Variants in KCNK6 observed in about 807,000 individuals in gnomAD.
KCNK6 encodes the protein potassium two pore domain channel subfamily K member 6.
KCNK6 carries 20 observed loss-of-function variants against 21.9 expected under a neutral mutation model. The ratio of observed to expected loss-of-function variants is 0.91; its 90% CI spans 0.64 to 1.32. The LOEUF is 1.32. KCNK6 is among the 40% of genes most tolerant of loss of function. The pLI, the probability that KCNK6 is intolerant of heterozygous loss-of-function variation, is 0.00. For synonymous variants in KCNK6, 210 were observed against 218.0 expected, an observed-to-expected ratio of 0.96 and a Z score of 0.32; for missense variants, 415 against 433.1, an observed-to-expected ratio of 0.96 and a Z score of 0.37.
Position 38,319,896 on chromosome 19 carries a change from G to A in KCNK6, c.-55G>A. 1 of 1,360,774 alleles carries A rather than the reference G, an allele frequency of 7.3e-7. No homozygotes were observed. Among genetic ancestry groups the A allele is most frequent in the Non-Finnish European group, 9.4e-7 (1 of 1,063,724 alleles). The allele number at this position is 1,360,774 out of a possible 1,614,324, so 84.3% of individuals were successfully genotyped here. On this transcript the variant is annotated 5_prime_UTR_variant, in exon 1 of 3. Coordinates refer to ENST00000263372, the MANE Select transcript of KCNK6 (RefSeq NM_004823.3). The stretch of plus-strand genomic sequence containing the variant: ...GGAACTAGGTGCCAGACGGTCCGGA[G>A]GCGGGGGCCACGTCAGCGGGGCCAC...
rs1201863639 is a variant in KCNK6, at chr19:38,329,389, C to G, written c.*1986C>G. On this transcript the variant is annotated 3_prime_UTR_variant, in exon 3 of 3. Coordinates refer to ENST00000263372, the MANE Select transcript of KCNK6 (RefSeq NM_004823.3). ...CCAACATAGCAAGACCCCATCTCTA[C>G]AAAAATAAAAATTTTAAAAAGGGCT... 1 of 151,770 alleles carries G rather than the reference C, an allele frequency of 6.6e-6. No homozygotes were observed. Among genetic ancestry groups the G allele is most frequent in the Non-Finnish European group, 1.5e-5 (1 of 67,990 alleles). The allele number at this position is 151,770 out of a possible 1,614,324, so 9.4% of individuals were successfully genotyped here.
In KCNK6 at chr19:38,329,017, AAAAG is replaced by A. The variant is rs1969745824; in HGVS notation, c.*1623_*1626del. Reference sequence around the variant, plus strand: ...AAGAAAAGTAAGAAAGAAAAAAAGAAAAAGAAAGAAAGTAAGTCCTGGCTAACAC... The same window carrying A: ...AAGAAAAGTAAGAAAGAAAAAAAGAAAAAGAAAGTAAGTCCTGGCTAACAC... On this transcript the variant is annotated 3_prime_UTR_variant, in exon 3 of 3. Coordinates refer to ENST00000263372, the MANE Select transcript of KCNK6 (RefSeq NM_004823.3). 7.1e-6 allele frequency: 1 copy of A among 140,266 alleles called. No homozygotes were observed. Among genetic ancestry groups the A allele is most frequent in the African/African-American group, 2.6e-5 (1 of 39,086 alleles). The allele number at this position is 140,266 out of a possible 1,614,324, so 8.7% of individuals were successfully genotyped here. A position where few individuals can be genotyped will look rare whatever the true frequency, so the allele number is the denominator to read the frequency against.
At chr19:38,322,634 T>C (rs1969663678) in intron 1 of KCNK6, among the ~76,000 whole-genome samples, 1 of 151,898 alleles carries the variant, frequency 6.6e-6, no homozygotes, top group Admixed American at 6.6e-5. Context: ...CTGACCAACA[T>C]GGTGAAACCC....
Position 38,328,883 on chromosome 19 carries a change from A to C in KCNK6, c.*1480A>C, listed in dbSNP as rs1229107370. On this transcript the variant is annotated 3_prime_UTR_variant, in exon 3 of 3. Transcript: ENST00000263372. ...GAAAGAAAGAAAGAAAGAGAGAGAA[A>C]GAAAGAAAGAAAGAAAGGGAAAGAT... The C allele has an allele frequency of 6.7e-6, 1 of 149,538 alleles. No homozygotes were observed. The highest frequency in any genetic ancestry group is 1.5e-5 in the Non-Finnish European group (1 of 67,776). 9.3% of individuals were successfully genotyped at this position (149,538 alleles called of 1,614,324 possible). A position where few individuals can be genotyped will look rare whatever the true frequency, so the allele number is the denominator to read the frequency against.
At position 38,327,761 on chromosome 19, in the gene KCNK6, C is replaced by T. The variant is rs1194891853; in HGVS notation, c.*358C>T. 1.0e-5 allele frequency: 3 copies of T among 287,084 alleles called. No individual in the cohort carries two copies. The highest frequency in any genetic ancestry group is 2.2e-5 in the African/African-American group (1 of 45,636). 17.8% of individuals were successfully genotyped at this position (287,084 alleles called of 1,614,324 possible). A position where few individuals can be genotyped will look rare whatever the true frequency, so the allele number is the denominator to read the frequency against. Reference sequence around the variant, plus strand: ...CGTCTGTGTCTCTCAATTAACCACTCGTCAACTGCTGATTCTACTGGGCTG... The same window carrying T: ...CGTCTGTGTCTCTCAATTAACCACTTGTCAACTGCTGATTCTACTGGGCTG... On this transcript the variant is annotated 3_prime_UTR_variant, in exon 3 of 3. Transcript: ENST00000263372.
At position 38,320,091 on chromosome 19, in the gene KCNK6, G is replaced by GCTTCAGCGCAGCCC. The variant is rs1969630691; in HGVS notation, c.142_155dup (p.Cys53PhefsTer56). ...AGCTGGAGACGCTGCGGGCGCAGCT[G>GCTTCAGCGCAGCCC]CTTCAGCGCAGCCCGTGTGTGGCTG... On this transcript the variant is annotated frameshift_variant, in exon 1 of 3. Coordinates refer to ENST00000263372, the MANE Select transcript of KCNK6 (RefSeq NM_004823.3). LOFTEE classifies it high-confidence loss of function. 6.5e-7 allele frequency: 1 copy of GCTTCAGCGCAGCCC among 1,546,712 alleles called. No homozygotes were observed. Among genetic ancestry groups the GCTTCAGCGCAGCCC allele is most frequent in the African/African-American group, 1.4e-5 (1 of 72,088 alleles).
chr19:38,323,733 C>T (rs1447227439), intron 1 of KCNK6, among the ~76,000 whole-genome samples: 3 of 152,144 alleles, frequency 2.0e-5, no homozygotes, highest in Admixed American at 6.6e-5. Flanking sequence ...CACACGTGCA[C>T]GCCACTGCAC....
In KCNK6 at chr19:38,319,941, G is replaced by C. The variant is rs1469721264; in HGVS notation, c.-10G>C. 1.4e-6 allele frequency: 2 copies of C among 1,425,696 alleles called. No individual in the cohort carries two copies. The highest frequency in any genetic ancestry group is 9.1e-7 in the Non-Finnish European group (1 of 1,101,780). The allele number at this position is 1,425,696 out of a possible 1,614,324, so 88.3% of individuals were successfully genotyped here. On this transcript the variant is annotated 5_prime_UTR_variant, in exon 1 of 3. Coordinates refer to ENST00000263372, the MANE Select transcript of KCNK6 (RefSeq NM_004823.3). Reference sequence around the variant, plus strand: ...GGCCACCCAGGGCTCGCGGGGTCCCGGTGGGTGCCATGCGGAGGGGCGCGC... The same window carrying C: ...GGCCACCCAGGGCTCGCGGGGTCCCCGTGGGTGCCATGCGGAGGGGCGCGC...
rs1315354184 is a variant in KCNK6 at position 38,319,895 on chromosome 19, A to T, written c.-56A>T. On this transcript the variant is annotated 5_prime_UTR_variant, in exon 1 of 3. Coordinates refer to ENST00000263372, the MANE Select transcript of KCNK6 (RefSeq NM_004823.3). ...TGGAACTAGGTGCCAGACGGTCCGG[A>T]GGCGGGGGCCACGTCAGCGGGGCCA... 4 of 1,358,016 alleles carry T rather than the reference A, an allele frequency of 2.9e-6. No individual in the cohort carries two copies. The African/African-American group carries it at 6.2e-5, about 21-fold the overall frequency. 84.1% of individuals were successfully genotyped at this position (1,358,016 alleles called of 1,614,324 possible).
At position 38,321,820 on chromosome 19, in the gene KCNK6, C is replaced by A. The variant is rs1969655272; in HGVS notation, c.322+1548C>A. 2.6e-5 allele frequency among the ~76,000 whole-genome samples: 4 copies of A among 152,340 alleles called. No individual in the cohort carries two copies. The South Asian group carries it at 8.3e-4, about 32-fold the overall frequency. On this transcript the variant is annotated intron_variant, in intron 1 of 2. Coordinates refer to ENST00000263372, the MANE Select transcript of KCNK6 (RefSeq NM_004823.3). ...TGAGCTTCCCTGGGTCATGTGCACGCCTCCTACCTCTTCCCAGATCCTGGC... is the reference window on the plus strand; with the variant it reads ...TGAGCTTCCCTGGGTCATGTGCACGACTCCTACCTCTTCCCAGATCCTGGC...
At chr19:38,320,293 A>C (rs780100212) in intron 1 of KCNK6, 21 bp downstream of exon 1, 2 of 1,603,074 alleles carry the variant, frequency 1.2e-6, no homozygotes, top group Non-Finnish European at 1.7e-6. Flanking sequence ...GCCTCACCGC[A>C]AGGCGGCGAG....
chr19:38,327,808 G>T lies in KCNK6; in HGVS notation c.*405G>T. 4.3e-6 allele frequency: 1 copy of T among 233,436 alleles called. No homozygotes were observed. 14.5% of individuals were successfully genotyped at this position (233,436 alleles called of 1,614,324 possible). A position where few individuals can be genotyped will look rare whatever the true frequency, so the allele number is the denominator to read the frequency against. ...GCTGTGGGCTCAGACCTCATTTCAG[G>T]CACCAGATTGGTCGCTACACCCTGG... On this transcript the variant is annotated 3_prime_UTR_variant, in exon 3 of 3. Coordinates refer to ENST00000263372, the MANE Select transcript of KCNK6 (RefSeq NM_004823.3).
At chr19:38,325,025 C>A (rs4804016) in intron 1 of KCNK6, 21,198 of 145,724 alleles carry the variant, frequency 0.15, 1,736 homozygotes, top group South Asian at 0.22. Context: ...TCACCTTCAT[C>A]TTTTTTTTTT....
chr19:38,322,164 G>A (rs1339029910), intron 1 of KCNK6, among the ~76,000 whole-genome samples: 6 of 152,132 alleles, frequency 3.9e-5, no homozygotes, highest in Admixed American at 2.6e-4. Flanking sequence ...CAGCAAAGAC[G>A]GCATAGAGTA....
At position 38,320,187 on chromosome 19, in the gene KCNK6, C is replaced by T. The variant is rs773856245; in HGVS notation, c.237C>T (p.Asn79=). Residue 79 remains asparagine, a synonymous_variant, in exon 1 of 3, where the codon AAC becomes AAT. Coordinates refer to ENST00000263372, the MANE Select transcript of KCNK6 (RefSeq NM_004823.3). ...GGCTGGGGCGGGTCGTGCTTGCTAA[C>T]GCTTCGGGGTCCGCCAACGCCTCGG... ...AGRLGRVVLA[N]ASGSANASDP... 1 of 1,601,074 alleles carries T rather than the reference C, an allele frequency of 6.2e-7. No individual in the cohort carries two copies. The highest frequency in any genetic ancestry group is 1.7e-5 in the Admixed American group (1 of 59,922).
chr19:38,327,424 C>T lies in KCNK6; in HGVS notation c.*21C>T. The T allele has an allele frequency of 6.2e-7, 1 of 1,600,388 alleles. No individual in the cohort carries two copies. Reference sequence around the variant, plus strand: ...GGTAGCTGGGGCAGCCTCTGCCAGGCTTGGGTGTGCCTGGCCTGGGACTGA... The same window carrying T: ...GGTAGCTGGGGCAGCCTCTGCCAGGTTTGGGTGTGCCTGGCCTGGGACTGA... On this transcript the variant is annotated 3_prime_UTR_variant, in exon 3 of 3. Transcript: ENST00000263372.
In KCNK6 at chr19:38,330,380, T is replaced by C. The variant is rs1969758384; in HGVS notation, c.*2977T>C. The C allele has an allele frequency of 6.7e-6, 1 of 148,292 alleles. No homozygotes were observed. The highest frequency in any genetic ancestry group is 2.1e-4 in the South Asian group (1 of 4,698). The allele number at this position is 148,292 out of a possible 1,614,324, so 9.2% of individuals were successfully genotyped here. ...GCATAGTGGCTCTCACCTATAATCCTAGCAAATCGTAGTACTTTGGGAGGC... is the reference window on the plus strand; with the variant it reads ...GCATAGTGGCTCTCACCTATAATCCCAGCAAATCGTAGTACTTTGGGAGGC... On this transcript the variant is annotated 3_prime_UTR_variant, in exon 3 of 3. Coordinates refer to ENST00000263372, the MANE Select transcript of KCNK6 (RefSeq NM_004823.3).
In KCNK6 at chr19:38,328,878, G is replaced by GAGAAAGTAAGAAAGAAAGAAAGAA. The variant is rs1969741492; in HGVS notation, c.*1481_*1482insTAAGAAAGAAAGAAAGAAAGAAAG. 7.4e-6 allele frequency: 1 copy of GAGAAAGTAAGAAAGAAAGAAAGAA among 135,668 alleles called. No homozygotes were observed. Among genetic ancestry groups the GAGAAAGTAAGAAAGAAAGAAAGAA allele is most frequent in the Non-Finnish European group, 1.6e-5 (1 of 63,614 alleles). 8.4% of individuals were successfully genotyped at this position (135,668 alleles called of 1,614,324 possible). The stretch of plus-strand genomic sequence containing the variant: ...AGAGAGAAAGAAAGAAAGAAAGAGA[G>GAGAAAGTAAGAAAGAAAGAAAGAA]AGAAAGAAAGAAAGAAAGAAAGGGA... On this transcript the variant is annotated 3_prime_UTR_variant, in exon 3 of 3. Coordinates refer to ENST00000263372, the MANE Select transcript of KCNK6 (RefSeq NM_004823.3).
At position 38,326,744 on chromosome 19, in the gene KCNK6, C is replaced by T. The variant is rs772650911; in HGVS notation, c.474C>T (p.Ser158=). 2 of 1,604,506 alleles carry T rather than the reference C, an allele frequency of 1.2e-6. No homozygotes were observed. The highest frequency in any genetic ancestry group is 2.2e-5 in the East Asian group (1 of 44,882). Reference sequence around the variant, plus strand: ...CTCACGTGCCCCTGTCTTGGCTGAGCATGCGTTGGGGCTGGGACCCCCGGC... The same window carrying T: ...CTCACGTGCCCCTGTCTTGGCTGAGTATGCGTTGGGGCTGGGACCCCCGGC... ...LLTHVPLSWL[S]MRWGWDPRRA... is the part of the protein sequence containing the mutation. The change falls in exon 2 of 3, where the codon AGC becomes AGT. Residue 158 remains serine (S), a synonymous_variant. Transcript: ENST00000263372.
Sources: gnomAD v4.1 joint callset for allele counts (sites outside exome capture counted in the v4.1 genomes callset) on GRCh38, gnomAD v4.1.1 for gene constraint, MANE v1.5 for transcripts, NCBI Gene and HGNC (gene_info 2026-07-23, HGNC 2026-07-21) for gene names.